The following TTC29 variants were observed in gnomAD, a reference collection of about 807,000 sequenced individuals.
TTC29 encodes the protein tetratricopeptide repeat domain 29.
In TTC29, 49 loss-of-function variants were observed where a neutral mutation model predicts 58.1. The observed-to-expected ratio is 0.84, with a 90% CI of 0.67 to 1.07. TTC29 has a LOEUF of 1.07. TTC29 is among the 50% of genes least tolerant of loss of function. The pLI, the probability that TTC29 is intolerant of heterozygous loss-of-function variation, is 0.00. For missense variants in TTC29, 582 were observed against 555.6 expected (o/e 1.05, Z -0.48); for synonymous variants, 209 against 196.8 (o/e 1.06, Z -0.52).
rs1194393833 is a variant in TTC29 at position 146,707,678 on chromosome 4, A to ATC, written c.1331-129_1331-128dup. The ATC allele has an allele frequency of 3.6e-5, 22 of 615,092 alleles. 1 individual carries two copies. The Admixed American group carries it at 4.9e-4, about 14-fold the overall frequency. 38.1% of individuals were successfully genotyped at this position (615,092 alleles called of 1,614,324 possible). A position where few individuals can be genotyped will look rare whatever the true frequency, so the allele number is the denominator to read the frequency against. The stretch of plus-strand genomic sequence containing the variant: ...TCACCTATAAGATAAGGGTGTATGT[A>ATC]TCACCAGGGCAGATTGTATTGTACA... On this transcript the variant is annotated intron_variant, in intron 11 of 12. Transcript: ENST00000325106.
At chr4:146,768,164 T>C (rs1579629141) in intron 11 of TTC29, among the ~76,000 whole-genome samples, 1 of 152,140 alleles carries the variant, frequency 6.6e-6, no homozygotes, top group African/African-American at 2.4e-5. Context: ...AAATTGAGTA[T>C]TAAGTTTGAA....
At chr4:146,725,625 A>C (rs1743728890) in intron 11 of TTC29, among the ~76,000 whole-genome samples, 1 of 152,164 alleles carries the variant, frequency 6.6e-6, no homozygotes, top group African/African-American at 2.4e-5. Flanking sequence ...TTGTCTTATC[A>C]CCAAAAAGCC....
At chr4:146,856,851 TACCATAA>T (rs1345177707) in intron 8 of TTC29, among the ~76,000 whole-genome samples, 3 of 151,776 alleles carry the variant, frequency 2.0e-5, no homozygotes, top group African/African-American at 7.2e-5. Context: ...GTTAAATTAG[TACCATAA>T]AGTTACCTGT....
chr4:146,877,871 A>G (rs957276720), intron 6 of TTC29, among the ~76,000 whole-genome samples: 3 of 152,188 alleles, frequency 2.0e-5, no homozygotes, highest in Non-Finnish European at 2.9e-5. Flanking sequence ...AATGATGTAA[A>G]TAGCAAATGA....
intron 2 of TTC29, among the ~76,000 whole-genome samples, chr4:146,940,768 T>C (rs752300293): frequency 7.9e-5 from 12 of 152,198 alleles, no homozygotes; most frequent in African/African-American, 2.7e-4. Context: ...ACTTCTTATA[T>C]AGCAGCTCCA....
intron 11 of TTC29, among the ~76,000 whole-genome samples, chr4:146,743,456 T>G (rs939790974): frequency 1.3e-5 from 2 of 152,178 alleles, no homozygotes; most frequent in African/African-American, 4.8e-5. Context: ...GTGGATGGTT[T>G]AGAGAGTTCA....
chr4:146,937,304 C>G (rs368681686), intron 4 of TTC29, among the ~76,000 whole-genome samples: 1 of 151,818 alleles, frequency 6.6e-6, no homozygotes, highest in African/African-American at 2.4e-5. Context: ...AGACAACACA[C>G]CTTAAAATGA....
intron 6 of TTC29, among the ~76,000 whole-genome samples, chr4:146,895,963 C>A (rs1732739666): frequency 6.6e-6 from 1 of 151,918 alleles, no homozygotes; most frequent in South Asian, 2.1e-4. Context: ...GAGAAGTAAT[C>A]AACATTACTG....
intron 11 of TTC29, among the ~76,000 whole-genome samples, chr4:146,720,780 T>G (rs1038300822): frequency 1.3e-5 from 2 of 152,138 alleles, no homozygotes; most frequent in African/African-American, 4.8e-5. Context: ...AGATTCACAC[T>G]ACTCCACTCT....
intron 10 of TTC29, among the ~76,000 whole-genome samples, chr4:146,806,306 A>G (rs903440802): frequency 6.6e-6 from 1 of 152,256 alleles, no homozygotes; most frequent in Non-Finnish European, 1.5e-5. Flanking sequence ...CATCAACACT[A>G]TGAAGAAACT....
intron 8 of TTC29, among the ~76,000 whole-genome samples, chr4:146,845,796 T>C (rs554212507): frequency 6.7e-5 from 10 of 149,686 alleles, no homozygotes; most frequent in Non-Finnish European, 1.0e-4. Context: ...ACTCCTACTC[T>C]TCCAGTACTT....
In TTC29 at chr4:146,871,953, G is replaced by C. The variant is rs12651197; in HGVS notation, c.799+2763C>G. ...TGTTGAAAACAACTAAAGCAAACTT[G>C]AAAAAGAACAGTATTACAAAGCACA... On this transcript the variant is annotated intron_variant, in intron 7 of 12. Transcript: ENST00000325106. Among the ~76,000 whole-genome samples the C allele has an allele frequency of 7.0e-3, 1,061 of 152,006 alleles. 94 individuals are homozygous for C. The East Asian group carries it at 0.17, about 24-fold the overall frequency.
chr4:146,898,387 A>C (rs574052577), intron 6 of TTC29, among the ~76,000 whole-genome samples: 1 of 152,204 alleles, frequency 6.6e-6, no homozygotes, highest in Admixed American at 6.5e-5. Flanking sequence ...TTATAGAGAT[A>C]CACTAGCTAG....
chr4:146,710,517 T>G (rs954765916), intron 11 of TTC29, among the ~76,000 whole-genome samples: 4 of 152,142 alleles, frequency 2.6e-5, no homozygotes, highest in Non-Finnish European at 5.9e-5. Context: ...GTGTTAGACA[T>G]TGGGTACTCA....
At chr4:146,764,617 T>A (rs1480630887) in intron 11 of TTC29, among the ~76,000 whole-genome samples, 1 of 152,120 alleles carries the variant, frequency 6.6e-6, no homozygotes, top group African/African-American at 2.4e-5. Context: ...GTAAGAATTT[T>A]TCCTATTTTA....
chr4:146,803,050 C>T (rs1395594530), intron 11 of TTC29, among the ~76,000 whole-genome samples: 1 of 152,136 alleles, frequency 6.6e-6, no homozygotes, highest in African/African-American at 2.4e-5. Flanking sequence ...GATAAAAATA[C>T]TTATCAGTAA....
At chr4:146,734,209 A>G (rs1744550412) in intron 11 of TTC29, among the ~76,000 whole-genome samples, 1 of 152,182 alleles carries the variant, frequency 6.6e-6, no homozygotes, top group Non-Finnish European at 1.5e-5. Context: ...ATTTATAGGT[A>G]GAATTTCAGC....
At chr4:146,709,580 A>C (rs988727147) in intron 11 of TTC29, among the ~76,000 whole-genome samples, 3 of 152,166 alleles carry the variant, frequency 2.0e-5, no homozygotes, top group Non-Finnish European at 4.4e-5. Flanking sequence ...GTATAGTTCA[A>C]TATGGCTGGA....
chr4:146,812,525 CT>C (rs1391838728), intron 10 of TTC29, among the ~76,000 whole-genome samples: 13 of 152,088 alleles, frequency 8.5e-5, no homozygotes, highest in African/African-American at 3.1e-4. Flanking sequence ...AGTGATATGC[CT>C]AAAATTTTGA....
Sources: allele counts gnomAD v4.1 joint callset (sites outside exome capture counted in the v4.1 genomes callset), GRCh38; gene constraint gnomAD v4.1.1; transcripts MANE v1.5; gene names NCBI Gene and HGNC (gene_info 2026-07-23, HGNC 2026-07-21).